Variants in ASAP1 observed in about 807,000 individuals in gnomAD.
ASAP1 encodes arf-GAP with SH3 domain, ANK repeat and PH domain-containing protein 1.
A neutral mutation model predicts 145.2 loss-of-function variants in ASAP1; 43 were observed. That is an observed-to-expected ratio of 0.30 (90% CI 0.23 to 0.38). The LOEUF is 0.38. ASAP1 is among the 10% of genes least tolerant of loss of function. The pLI is 1.00. For synonymous variants in ASAP1, 546 were observed against 515.5 expected, an observed-to-expected ratio of 1.06 and a Z score of -0.80; for missense variants, 1,018 against 1,355.3, an observed-to-expected ratio of 0.75 and a Z score of 3.91.
chr8:130,392,520 T>C (rs1170684217), intron 2 of ASAP1, among the ~76,000 whole-genome samples: 5 of 152,244 alleles, frequency 3.3e-5, no homozygotes, highest in Admixed American at 2.6e-4. Context: ...AGAGGTACTA[T>C]CCCATTTAAT....
At chr8:130,180,926 C>A (rs759576899) in intron 7 of ASAP1, 46 bp from the exon 8 acceptor site, 5 of 1,434,794 alleles carry the variant, frequency 3.5e-6, no homozygotes. Context: ...AAAATACACT[C>A]ATGTACAATA....
At chr8:130,348,242 A>G (rs767095569) in intron 3 of ASAP1, among the ~76,000 whole-genome samples, 1 of 152,180 alleles carries the variant, frequency 6.6e-6, no homozygotes, top group African/African-American at 2.4e-5. Flanking sequence ...TCCTCCACCC[A>G]AAACGCATCT....
intron 18 of ASAP1, among the ~76,000 whole-genome samples, chr8:130,120,444 A>G (rs2097563962): frequency 6.6e-6 from 1 of 152,250 alleles, no homozygotes; most frequent in African/African-American, 2.4e-5. Context: ...TAGTAATCAT[A>G]GCTGCCTTCC....
intron 3 of ASAP1, among the ~76,000 whole-genome samples, chr8:130,316,845 T>C (rs894446409): frequency 2.0e-5 from 3 of 152,246 alleles, no homozygotes; most frequent in Non-Finnish European, 4.4e-5. Flanking sequence ...CCCCCTGTAA[T>C]ATGCAGCTCA....
At chr8:130,229,109 A>G (rs1311190513) in intron 4 of ASAP1, among the ~76,000 whole-genome samples, 1 of 152,236 alleles carries the variant, frequency 6.6e-6, no homozygotes, top group Non-Finnish European at 1.5e-5. Context: ...GGCACTGATT[A>G]TCAATGAAAA....
At chr8:130,314,440 G>A (rs1823546327) in intron 3 of ASAP1, among the ~76,000 whole-genome samples, 1 of 152,212 alleles carries the variant, frequency 6.6e-6, no homozygotes, top group Non-Finnish European at 1.5e-5. Flanking sequence ...ACAGATGAGA[G>A]GGAACTGAGG....
chr8:130,304,714 C>T (rs1195421176), intron 3 of ASAP1, among the ~76,000 whole-genome samples: 2 of 152,234 alleles, frequency 1.3e-5, no homozygotes, highest in Non-Finnish European at 2.9e-5. Flanking sequence ...AAACTACTTA[C>T]TTCAACAGCC....
intron 2 of ASAP1, among the ~76,000 whole-genome samples, chr8:130,359,430 G>A (rs547087033): frequency 6.6e-6 from 1 of 151,526 alleles, no homozygotes; most frequent in Admixed American, 6.6e-5. Flanking sequence ...TATGAATTTG[G>A]TTTAAAAGAA....
intron 3 of ASAP1, among the ~76,000 whole-genome samples, chr8:130,299,122 G>A (rs968527547): frequency 5.3e-5 from 8 of 152,164 alleles, no homozygotes; most frequent in Non-Finnish European, 8.8e-5. Context: ...TAAGCTGGAT[G>A]CCCGTGTGTC....
intron 1 of ASAP1, among the ~76,000 whole-genome samples, chr8:130,405,459 C>T (rs1370097055): frequency 6.6e-6 from 1 of 152,206 alleles, no homozygotes; most frequent in Non-Finnish European, 1.5e-5. Flanking sequence ...CACTCTTGTC[C>T]CATTCCTTCA....
intron 13 of ASAP1, among the ~76,000 whole-genome samples, chr8:130,147,053 C>T (rs2097632805): frequency 6.6e-6 from 1 of 151,844 alleles, no homozygotes; most frequent in African/African-American, 2.4e-5. Flanking sequence ...TGGTGAAACC[C>T]CGTCTCTACT....
intron 3 of ASAP1, among the ~76,000 whole-genome samples, chr8:130,294,126 C>A (rs966100115): frequency 4.6e-5 from 7 of 152,298 alleles, no homozygotes; most frequent in African/African-American, 1.7e-4. Context: ...TATACTAAGT[C>A]TTCTCCGTTA....
intron 3 of ASAP1, among the ~76,000 whole-genome samples, chr8:130,351,272 T>G (rs1483723611): frequency 1.3e-5 from 2 of 152,244 alleles, no homozygotes; most frequent in East Asian, 3.8e-4. Context: ...ATGCAGATTC[T>G]GCATTCAGAG....
intron 3 of ASAP1, among the ~76,000 whole-genome samples, chr8:130,290,868 A>G (rs1279216374): frequency 1.3e-5 from 2 of 152,214 alleles, no homozygotes; most frequent in African/African-American, 4.8e-5. Context: ...TATGCTTTAA[A>G]GCCACTGAGA....
At chr8:130,255,965 A>G (rs1309792437) in intron 3 of ASAP1, among the ~76,000 whole-genome samples, 1 of 152,202 alleles carries the variant, frequency 6.6e-6, no homozygotes. Flanking sequence ...CACACAGAAC[A>G]GCTGGTTCTT....
At chr8:130,220,231 G>A (rs1436620733) in intron 4 of ASAP1, among the ~76,000 whole-genome samples, 1 of 152,174 alleles carries the variant, frequency 6.6e-6, no homozygotes, top group East Asian at 1.9e-4. Context: ...CATTTCTGTG[G>A]GGAAATGACT....
chr8:130,428,466 T>TCAC (rs1228960674), intron 1 of ASAP1, among the ~76,000 whole-genome samples: 4 of 23,988 alleles, frequency 1.7e-4, no homozygotes, highest in African/African-American at 1.7e-4. Context: ...ACCATCATCA[T>TCAC]CACCACCACC....
intron 3 of ASAP1, among the ~76,000 whole-genome samples, chr8:130,300,153 C>CACACACACACACACACAGAG (rs1196584279): frequency 6.5e-5 from 5 of 76,924 alleles, no homozygotes; most frequent in Admixed American, 1.5e-4. Flanking sequence ...CACACACACA[C>CACACACACACACACACAGAG]AGAGAGAGAG....
chr8:130,386,533 C>G (rs149614504), intron 2 of ASAP1: 3 of 152,376 alleles, frequency 2.0e-5, no homozygotes, highest in Admixed American at 1.3e-4. Context: ...GCGCTCTCCA[C>G]CCTGTAGATA....
Sources: allele counts gnomAD v4.1 joint callset (sites outside exome capture counted in the v4.1 genomes callset), GRCh38; gene constraint gnomAD v4.1.1; transcripts MANE v1.5; gene names NCBI Gene and HGNC (gene_info 2026-07-23, HGNC 2026-07-21).